The following SLC37A1 variants were observed in gnomAD, a reference collection of about 807,000 sequenced individuals.
SLC37A1 encodes solute carrier family 37 member 1.
A neutral mutation model predicts 75.3 loss-of-function variants in SLC37A1; 49 were observed. The ratio of observed to expected loss-of-function variants is 0.65; its 90% CI spans 0.52 to 0.83. SLC37A1 has a LOEUF of 0.83. Ranked by LOEUF, SLC37A1 falls within the 40% of genes least tolerant of loss-of-function variation. SLC37A1 has a pLI of 0.00. For missense variants in SLC37A1, 566 were observed against 695.0 expected, an observed-to-expected ratio of 0.81 and a Z score of 2.09; for synonymous variants, 268 against 292.1, an observed-to-expected ratio of 0.92 and a Z score of 0.84.
chr21:42,515,036 G>A (rs1403650752), intron 1 of SLC37A1: 2 of 152,202 alleles, frequency 1.3e-5, no homozygotes, highest in South Asian at 2.1e-4. Flanking sequence ...GATTCACCAA[G>A]TCATTTTGGA....
At position 42,578,057 on chromosome 21, in the gene SLC37A1, C is replaced by A. The variant is rs560019893; in HGVS notation, c.1522-1679C>A. Among the ~76,000 whole-genome samples the A allele has an allele frequency of 3.3e-5, 5 of 152,338 alleles. No individual in the cohort carries two copies. The South Asian group carries it at 1.0e-3, about 32-fold the overall frequency. ...GACATACCTTTTTCTCTTCACTGATCAACATGCTTTTTGGTATCTTTTCAC... is the reference window on the plus strand; with the variant it reads ...GACATACCTTTTTCTCTTCACTGATAAACATGCTTTTTGGTATCTTTTCAC... On this transcript the variant is annotated intron_variant, in intron 18 of 19. Coordinates refer to ENST00000352133, the MANE Select transcript of SLC37A1 (RefSeq NM_001320537.2).
chr21:42,568,501 C>T, intron 17 of SLC37A1, 63 bp downstream of exon 17: 4 of 1,495,796 alleles, frequency 2.7e-6, no homozygotes, highest in African/African-American at 1.4e-5. Flanking sequence ...TTGTCACATG[C>T]TCGTGAACAG....
At chr21:42,533,490 C>A (rs1415328076) in intron 3 of SLC37A1, among the ~76,000 whole-genome samples, 2 of 152,310 alleles carry the variant, frequency 1.3e-5, no homozygotes, top group East Asian at 3.9e-4. Context: ...CAAGACGAGC[C>A]CCTGCCACAT....
chr21:42,547,196 C>A lies in SLC37A1; in HGVS notation c.768+56C>A. ...GAACAGTGTGCGGTTCTGACCACTT[C>A]CCCAGCCTGCTCCTGCCTGTGCGGT... On this transcript the variant is annotated intron_variant, in intron 9 of 19. Coordinates refer to ENST00000352133, the MANE Select transcript of SLC37A1 (RefSeq NM_001320537.2). The surrounding 1 kb of genome is among the most constrained non-coding windows in gnomAD (Gnocchi z 6.1). The A allele has an allele frequency of 6.3e-7, 1 of 1,589,988 alleles. No homozygotes were observed. Among genetic ancestry groups the A allele is most frequent in the Non-Finnish European group, 8.6e-7 (1 of 1,158,088 alleles).
chr21:42,519,893 G>A (rs1317160286), intron 2 of SLC37A1, among the ~76,000 whole-genome samples: 2 of 152,102 alleles, frequency 1.3e-5, no homozygotes, highest in Admixed American at 6.6e-5. Flanking sequence ...GAATGTTCCT[G>A]TAGAACCGCT....
At chr21:42,506,971 C>G (rs1210623386) in intron 2 of SLC37A1, among the ~76,000 whole-genome samples, 1 of 152,216 alleles carries the variant, frequency 6.6e-6, no homozygotes, top group African/African-American at 2.4e-5. Flanking sequence ...CCACCTCTGC[C>G]TCCTGGGTTC....
At chr21:42,549,887 A>C (rs2055514245) in intron 9 of SLC37A1, among the ~76,000 whole-genome samples, 1 of 152,228 alleles carries the variant, frequency 6.6e-6, no homozygotes, top group African/African-American at 2.4e-5. Context: ...TAAACATATA[A>C]AAAGGTAAAA....
intron 2 of SLC37A1, among the ~76,000 whole-genome samples, chr21:42,524,434 C>T (rs927292951): frequency 3.3e-5 from 5 of 152,198 alleles, no homozygotes; most frequent in African/African-American, 9.7e-5. Context: ...CCAAACTGAG[C>T]GAGGGGCTTT....
At position 42,569,434 on chromosome 21, in the gene SLC37A1, G is replaced by A. The variant is rs148905553; in HGVS notation, c.1423+996G>A. Reference sequence around the variant, plus strand: ...CGAAGGCCAGGCTGGCCCCCGTGCGGGCTCTTTGCTCTGGTCACACCCCGT... The same window carrying A: ...CGAAGGCCAGGCTGGCCCCCGTGCGAGCTCTTTGCTCTGGTCACACCCCGT... On this transcript the variant is annotated intron_variant, in intron 17 of 19. Coordinates refer to ENST00000352133, the MANE Select transcript of SLC37A1 (RefSeq NM_001320537.2). 8.4e-3 allele frequency among the ~76,000 whole-genome samples: 1,278 copies of A among 152,284 alleles called. 21 individuals are homozygous for A. Among genetic ancestry groups the A allele is most frequent in the African/African-American group, 0.029 (1,222 of 41,532 alleles).
chr21:42,560,166 T>C (rs1044878859), intron 11 of SLC37A1, among the ~76,000 whole-genome samples: 3 of 152,142 alleles, frequency 2.0e-5, no homozygotes, highest in African/African-American at 7.2e-5. Context: ...TTCTTGCTGC[T>C]TTCAGTTTTT....
At chr21:42,521,456 T>G (rs1329321860) in intron 2 of SLC37A1, among the ~76,000 whole-genome samples, 1 of 152,254 alleles carries the variant, frequency 6.6e-6, no homozygotes, top group Non-Finnish European at 1.5e-5. Context: ...ATCATATCAC[T>G]CAGTAATTCT....
intron 17 of SLC37A1, among the ~76,000 whole-genome samples, chr21:42,569,882 G>A (rs1192949720): frequency 6.6e-6 from 1 of 152,270 alleles, no homozygotes; most frequent in Non-Finnish European, 1.5e-5. Flanking sequence ...GAGGAGCCAG[G>A]CCGGACAGGC....
chr21:42,566,926 A>C (rs1327688942), intron 15 of SLC37A1, 59 bp from the exon 16 acceptor site: 4 of 1,553,016 alleles, frequency 2.6e-6, no homozygotes, highest in Non-Finnish European at 3.5e-6. Flanking sequence ...GGCTGCTCCT[A>C]TGCATGCGGG....
intron 8 of SLC37A1, among the ~76,000 whole-genome samples, chr21:42,546,495 A>G (rs1279654173): frequency 1.3e-5 from 2 of 152,170 alleles, no homozygotes; most frequent in Non-Finnish European, 2.9e-5. Flanking sequence ...CCTCTGAATG[A>G]GAGTCGTGGG....
Position 42,526,838 on chromosome 21 carries a change from G to C in SLC37A1, c.138+981G>C, listed in dbSNP as rs546898363. ...ACGTTTGCAGACCTTTGAAAATGTGGTTTTTAAGAGAGAAGAATATGAAAA... is the reference window on the plus strand; with the variant it reads ...ACGTTTGCAGACCTTTGAAAATGTGCTTTTTAAGAGAGAAGAATATGAAAA... On this transcript the variant is annotated intron_variant, in intron 3 of 19. Transcript: ENST00000352133. Among the ~76,000 whole-genome samples, 7 of 152,312 alleles carry C rather than the reference G, an allele frequency of 4.6e-5. No individual in the cohort carries two copies. In the South Asian group the frequency reaches 1.2e-3, roughly 27 times the overall value.
intron 8 of SLC37A1, among the ~76,000 whole-genome samples, chr21:42,544,587 G>T (rs1464444991): frequency 6.6e-6 from 1 of 152,180 alleles, no homozygotes; most frequent in Non-Finnish European, 1.5e-5. Context: ...AAAAAGTGGG[G>T]GCCCCGGGCT....
In SLC37A1 at chr21:42,547,224, C is replaced by A; in HGVS notation, c.768+84C>A. On this transcript the variant is annotated intron_variant, in intron 9 of 19. Transcript: ENST00000352133. This position sits in a 1 kb window ranked among gnomAD's most constrained non-coding sequence, Gnocchi z 6.1. ...CAGCCTGCTCCTGCCTGTGCGGTGTCAGACAGAAACACACAGGGTAGACAG... is the reference window on the plus strand; with the variant it reads ...CAGCCTGCTCCTGCCTGTGCGGTGTAAGACAGAAACACACAGGGTAGACAG... 7.0e-7 allele frequency: 1 copy of A among 1,433,106 alleles called. No homozygotes were observed. Among genetic ancestry groups the A allele is most frequent in the South Asian group, 1.1e-5 (1 of 87,088 alleles). The allele number at this position is 1,433,106 out of a possible 1,614,324, so 88.8% of individuals were successfully genotyped here.
chr21:42,510,281 C>T (rs1601650294), upstream of SLC37A1, among the ~76,000 whole-genome samples: 1 of 152,198 alleles, frequency 6.6e-6, no homozygotes, highest in African/African-American at 2.4e-5. Flanking sequence ...CCGTCTCAGC[C>T]TCCCAAAGTG....
Position 42,580,333 on chromosome 21 carries a change from CCTTT to C in SLC37A1, c.1587-6_1587-3del, listed in dbSNP as rs1263196446. The C allele has an allele frequency of 1.2e-6, 2 of 1,612,330 alleles. No homozygotes were observed. The highest frequency in any genetic ancestry group is 1.3e-5 in the African/African-American group (1 of 74,904). ...GCTGTTAGAGCAGCTCTTCTTTCAA[CCTTT>C]CTTTCAGATTTAAGGAACAGTGACA... On this transcript the variant is annotated splice_region_variant and splice_polypyrimidine_tract_variant and intron_variant, in intron 19 of 19. Transcript: ENST00000352133.
Sources: allele counts gnomAD v4.1 joint callset (sites outside exome capture counted in the v4.1 genomes callset), GRCh38; gene constraint gnomAD v4.1.1; non-coding constraint Gnocchi (gnomAD v3.1); transcripts MANE v1.5; gene names NCBI Gene and HGNC (gene_info 2026-07-23, HGNC 2026-07-21).